The following SLC2A13 variants were observed in gnomAD, a reference collection of about 807,000 sequenced individuals.
The protein encoded by SLC2A13 is solute carrier family 2 member 13.
SLC2A13 carries 32 observed loss-of-function variants against 64.4 expected under a neutral mutation model. That is an observed-to-expected ratio of 0.50 (90% CI 0.37 to 0.67). SLC2A13 has a LOEUF of 0.67. Among genes scored for constraint, SLC2A13 ranks in the 30% least tolerant of loss-of-function variants. The probability of loss-of-function intolerance (pLI) is 0.00; values close to 1 mark genes in which losing one functional copy is unlikely to be tolerated. For synonymous variants in SLC2A13, 338 were observed against 327.1 expected (o/e 1.03, Z -0.36); for missense variants, 743 against 829.2 (o/e 0.90, Z 1.28).
At chr12:40,070,155 G>GA (rs373099878) in intron 1 of SLC2A13, among the ~76,000 whole-genome samples, 20,426 of 141,826 alleles carry the variant, frequency 0.14, 1,528 homozygotes, top group Admixed American at 0.2. Context: ...TCTATGGCAG[G>GA]AAAAAAAAAA....
At chr12:39,796,840 G>C (rs1941592530) in intron 7 of SLC2A13, among the ~76,000 whole-genome samples, 1 of 151,952 alleles carries the variant, frequency 6.6e-6, no homozygotes, top group South Asian at 2.1e-4. Flanking sequence ...TGATAATGCT[G>C]CCATGGACAT....
intron 3 of SLC2A13, among the ~76,000 whole-genome samples, chr12:39,959,980 T>G (rs1288621818): frequency 6.6e-6 from 1 of 152,190 alleles, no homozygotes; most frequent in Non-Finnish European, 1.5e-5. Flanking sequence ...TCCCTTCACC[T>G]GGCCCCCAGA....
intron 5 of SLC2A13, among the ~76,000 whole-genome samples, chr12:39,868,456 T>G (rs1035036417): frequency 3.3e-5 from 5 of 152,252 alleles, no homozygotes; most frequent in African/African-American, 9.6e-5. Context: ...TCACACTTTG[T>G]GTGCATAAGT....
chr12:39,966,132 T>A (rs1946508486), intron 3 of SLC2A13, among the ~76,000 whole-genome samples: 1 of 148,710 alleles, frequency 6.7e-6, no homozygotes, highest in Non-Finnish European at 1.5e-5. Flanking sequence ...TGTGTATATA[T>A]ATATATAGAG....
At chr12:39,942,802 G>C (rs528038244) in intron 4 of SLC2A13, among the ~76,000 whole-genome samples, 2 of 152,222 alleles carry the variant, frequency 1.3e-5, no homozygotes, top group Admixed American at 6.5e-5. Flanking sequence ...TTCCCTTGCT[G>C]GTGAGGAGTT....
chr12:39,896,264 G>C (rs1213325585), intron 4 of SLC2A13, among the ~76,000 whole-genome samples: 2 of 139,624 alleles, frequency 1.4e-5, no homozygotes, highest in African/African-American at 5.3e-5. Context: ...ATGTATATGT[G>C]TGTATATATG....
intron 3 of SLC2A13, among the ~76,000 whole-genome samples, chr12:39,962,014 T>A (rs1946422807): frequency 6.6e-6 from 1 of 152,212 alleles, no homozygotes; most frequent in Non-Finnish European, 1.5e-5. Context: ...AAAAAAGCAA[T>A]GAATTTTATC....
At chr12:40,006,560 T>C (rs925243718) in intron 3 of SLC2A13, among the ~76,000 whole-genome samples, 5 of 152,196 alleles carry the variant, frequency 3.3e-5, no homozygotes, top group Non-Finnish European at 7.4e-5. Flanking sequence ...AACAAAATAA[T>C]GAATAAATTC....
intron 1 of SLC2A13, among the ~76,000 whole-genome samples, chr12:40,070,527 G>T (rs1937912641): frequency 6.6e-6 from 1 of 151,964 alleles, no homozygotes; most frequent in Non-Finnish European, 1.5e-5. Context: ...TTTTAGGTTG[G>T]GTTAATGGAA....
chr12:39,979,564 AG>A (rs1438158915), intron 3 of SLC2A13, among the ~76,000 whole-genome samples: 2 of 149,720 alleles, frequency 1.3e-5, no homozygotes, highest in African/African-American at 4.9e-5. Context: ...ACTGGAAGAA[AG>A]GGTATCAGCA....
At chr12:39,775,305 C>A (rs948446044) in intron 7 of SLC2A13, among the ~76,000 whole-genome samples, 1 of 152,170 alleles carries the variant, frequency 6.6e-6, no homozygotes, top group Admixed American at 6.5e-5. Context: ...TCTTAGGTAA[C>A]GTAAGTTACT....
chr12:39,882,253 AG>A (rs1206766685), intron 4 of SLC2A13, among the ~76,000 whole-genome samples: 1 of 152,198 alleles, frequency 6.6e-6, no homozygotes, highest in Non-Finnish European at 1.5e-5. Flanking sequence ...CAAGACTATT[AG>A]GCCCTGTCCC....
chr12:40,090,008 T>C (rs911858873), intron 1 of SLC2A13, among the ~76,000 whole-genome samples: 3 of 152,166 alleles, frequency 2.0e-5, no homozygotes, highest in African/African-American at 7.2e-5. Flanking sequence ...TTTTTTTTTA[T>C]TGGCCAAATT....
intron 9 of SLC2A13, among the ~76,000 whole-genome samples, chr12:39,763,110 T>C (rs1467347213): frequency 6.6e-6 from 1 of 152,076 alleles, no homozygotes; most frequent in Non-Finnish European, 1.5e-5. Context: ...GAAATATTTA[T>C]TGTGCTCGTA....
chr12:39,783,700 C>T (rs1373350028), intron 7 of SLC2A13, among the ~76,000 whole-genome samples: 2 of 152,102 alleles, frequency 1.3e-5, no homozygotes, highest in Admixed American at 1.3e-4. Context: ...ATCCTTTGCC[C>T]ACTTTTTGGG....
At chr12:39,775,123 A>G (rs1940730048) in intron 7 of SLC2A13, among the ~76,000 whole-genome samples, 1 of 152,222 alleles carries the variant, frequency 6.6e-6, no homozygotes, top group Non-Finnish European at 1.5e-5. Flanking sequence ...GCTTTCATTT[A>G]TCACAAGATT....
At chr12:39,804,848 T>C (rs1321259331) in intron 7 of SLC2A13, among the ~76,000 whole-genome samples, 1 of 152,066 alleles carries the variant, frequency 6.6e-6, no homozygotes, top group Non-Finnish European at 1.5e-5. Context: ...AGAAGCAGGG[T>C]AAGTAGGGCT....
At chr12:39,798,356 G>GTT (rs1179575812) in intron 7 of SLC2A13, among the ~76,000 whole-genome samples, 1 of 152,164 alleles carries the variant, frequency 6.6e-6, no homozygotes, top group East Asian at 1.9e-4. Context: ...GTTTGAAGTT[G>GTT]TTAAGTTTTA....
chr12:39,841,024 TCAC>T (rs923922169), intron 6 of SLC2A13, among the ~76,000 whole-genome samples: 6 of 152,120 alleles, frequency 3.9e-5, no homozygotes, highest in Non-Finnish European at 8.8e-5. Flanking sequence ...TCCTTACAAT[TCAC>T]GGCTCTCAGA....
Sources: gnomAD v4.1 joint callset for allele counts (sites outside exome capture counted in the v4.1 genomes callset) on GRCh38, gnomAD v4.1.1 for gene constraint, MANE v1.5 for transcripts, NCBI Gene and HGNC (gene_info 2026-07-23, HGNC 2026-07-21) for gene names.